Variants in SPATA17 observed in about 807,000 individuals in gnomAD.
SPATA17 encodes spermatogenesis-associated protein 17.
Under a neutral mutation model 62.2 loss-of-function variants are expected in SPATA17, and 53 were observed. The ratio of observed to expected loss-of-function variants is 0.85; its 90% CI spans 0.68 to 1.07. SPATA17 has a LOEUF of 1.07. SPATA17 is among the 50% of genes least tolerant of loss of function. The pLI, the probability that SPATA17 is intolerant of heterozygous loss-of-function variation, is 0.00. For synonymous variants in SPATA17, 146 were observed against 146.8 expected (o/e 0.99, Z 0.04); for missense variants, 466 against 425.5 (o/e 1.10, Z -0.84).
intron 5 of SPATA17, among the ~76,000 whole-genome samples, chr1:217,714,484 G>A (rs900819833): frequency 2.9e-4 from 36 of 124,054 alleles, no homozygotes; most frequent in African/African-American, 1.2e-3. Context: ...TGGAAAACGT[G>A]TTTCTTTTTT....
chr1:217,635,857 G>A lies in SPATA17; in HGVS notation c.68+4411G>A, dbSNP rs896092446. 1.8e-4 allele frequency among the ~76,000 whole-genome samples: 28 copies of A among 152,038 alleles called. No homozygotes were observed. In the East Asian group the frequency reaches 2.3e-3, roughly 13 times the overall value. On this transcript the variant is annotated intron_variant, in intron 1 of 10. Transcript: ENST00000366933. The stretch of plus-strand genomic sequence containing the variant: ...GCCTTAAAAAGAGTGGACTGACGCC[G>A]GGAGCAGTGGCTCAGGCTTGTAATC...
chr1:217,799,173 T>A lies in SPATA17; in HGVS notation c.873-2545T>A, dbSNP rs1334560076. ...ATATCTAAATATTTTTGAGTATACA[T>A]ACATGCACATATATATGTACAATTA... On this transcript the variant is annotated intron_variant, in intron 8 of 10. Transcript: ENST00000366933. Among the ~76,000 whole-genome samples the A allele has an allele frequency of 2.0e-5, 3 of 152,220 alleles. No individual in the cohort carries two copies. In the East Asian group the frequency reaches 5.8e-4, roughly 29 times the overall value.
chr1:217,678,025 TA>T (rs1367603184), intron 4 of SPATA17, among the ~76,000 whole-genome samples: 1 of 152,112 alleles, frequency 6.6e-6, no homozygotes, highest in Non-Finnish European at 1.5e-5. Context: ...GAAGATTTAG[TA>T]AACCCACATT....
intron 8 of SPATA17, among the ~76,000 whole-genome samples, chr1:217,786,531 G>T (rs1365271438): frequency 6.6e-6 from 1 of 152,066 alleles, no homozygotes; most frequent in Non-Finnish European, 1.5e-5. Context: ...TTGCAAAAAA[G>T]TTCAAGACCA....
At chr1:217,838,873 T>G (rs1406614768) in intron 9 of SPATA17, among the ~76,000 whole-genome samples, 2 of 152,240 alleles carry the variant, frequency 1.3e-5, no homozygotes, top group African/African-American at 4.8e-5. Flanking sequence ...TTGAGAGAAA[T>G]CATTATACAA....
rs187134331 is a variant in SPATA17, at chr1:217,819,797, A to G, written c.1005+17947A>G. ...TTTTTTTGTGTTCCTTGATAATATT[A>G]TGATGTATGGAGAGATTTGGATTTA... is the stretch of plus-strand genomic sequence containing the variant. On this transcript the variant is annotated intron_variant, in intron 9 of 10. Coordinates refer to ENST00000366933, the MANE Select transcript of SPATA17 (RefSeq NM_138796.4). Among the ~76,000 whole-genome samples the G allele has an allele frequency of 1.6e-3, 244 of 152,094 alleles. 1 individual carries two copies. Among genetic ancestry groups the G allele is most frequent in the African/African-American group, 5.7e-3 (238 of 41,530 alleles).
intron 9 of SPATA17, chr1:217,850,750 A>G (rs1225015737): frequency 8.7e-6 from 6 of 691,472 alleles, no homozygotes; most frequent in Non-Finnish European, 9.1e-6. Context: ...TTTTATTCAT[A>G]CATATAGTTT....
chr1:217,642,757 TCCA>T (rs531265269), intron 1 of SPATA17, among the ~76,000 whole-genome samples: 352 of 152,298 alleles, frequency 2.3e-3, no homozygotes, highest in African/African-American at 8.1e-3. Flanking sequence ...TGCTTCTTCT[TCCA>T]CCATGATTGT....
chr1:217,863,926 T>A (rs1675948656), intron 10 of SPATA17, among the ~76,000 whole-genome samples: 1 of 152,178 alleles, frequency 6.6e-6, no homozygotes, highest in Admixed American at 6.5e-5. Context: ...AGCACTAGGC[T>A]GTTAGAGCAC....
At chr1:217,830,110 C>A (rs903775624) in intron 9 of SPATA17, among the ~76,000 whole-genome samples, 2 of 151,976 alleles carry the variant, frequency 1.3e-5, no homozygotes, top group African/African-American at 4.8e-5. Context: ...ACTTTTATTA[C>A]TTCTAAGGCA....
chr1:217,814,797 A>G (rs1444553365), intron 9 of SPATA17, among the ~76,000 whole-genome samples: 2 of 152,066 alleles, frequency 1.3e-5, no homozygotes, highest in Non-Finnish European at 2.9e-5. Context: ...GCAGTGAGCT[A>G]TGATGGCACC....
At chr1:217,684,093 G>C (rs1671163418) in intron 5 of SPATA17, among the ~76,000 whole-genome samples, 1 of 152,116 alleles carries the variant, frequency 6.6e-6, no homozygotes, top group Non-Finnish European at 1.5e-5. Context: ...AAAAAGGTCT[G>C]TTCACTGTCA....
chr1:217,836,029 C>T (rs12057460), intron 9 of SPATA17, among the ~76,000 whole-genome samples: 5,653 of 152,098 alleles, frequency 0.037, 307 homozygotes, highest in African/African-American at 0.12. Flanking sequence ...GCACCCATTG[C>T]CTAGCCACCC....
chr1:217,771,083 T>C (rs1387690918), intron 6 of SPATA17, among the ~76,000 whole-genome samples: 1 of 140,636 alleles, frequency 7.1e-6, no homozygotes, highest in Non-Finnish European at 1.5e-5. Flanking sequence ...CATTCACCAC[T>C]GGGCCACCAG....
chr1:217,789,850 C>A (rs1673957790), intron 8 of SPATA17, among the ~76,000 whole-genome samples: 1 of 152,024 alleles, frequency 6.6e-6, no homozygotes, highest in Admixed American at 6.6e-5. Context: ...GCCAGGCCAA[C>A]ATAGTGAAAG....
chr1:217,762,443 T>C (rs553235313), intron 6 of SPATA17, among the ~76,000 whole-genome samples: 1 of 152,312 alleles, frequency 6.6e-6, no homozygotes, highest in East Asian at 1.9e-4. Context: ...TCCTCTTAAT[T>C]AATCCAGTAT....
intron 1 of SPATA17, among the ~76,000 whole-genome samples, chr1:217,640,122 T>C (rs1670025917): frequency 6.6e-6 from 1 of 151,262 alleles, no homozygotes; most frequent in African/African-American, 2.4e-5. Flanking sequence ...TTTCCTTCAG[T>C]CTATGTGCAG....
chr1:217,792,558 T>G (rs573840474), intron 8 of SPATA17, among the ~76,000 whole-genome samples: 1 of 152,306 alleles, frequency 6.6e-6, no homozygotes, highest in East Asian at 1.9e-4. Flanking sequence ...CCTAATTCAA[T>G]ATAACCTTCC....
chr1:217,830,114 T>C (rs1675099584), intron 9 of SPATA17, among the ~76,000 whole-genome samples: 1 of 152,126 alleles, frequency 6.6e-6, no homozygotes, highest in Admixed American at 6.6e-5. Context: ...TTATTACTTC[T>C]AAGGCAAATA....
Sources: allele counts gnomAD v4.1 joint callset (sites outside exome capture counted in the v4.1 genomes callset), GRCh38; gene constraint gnomAD v4.1.1; transcripts MANE v1.5; gene names NCBI Gene and HGNC (gene_info 2026-07-23, HGNC 2026-07-21).